The following GATB variants were observed in gnomAD, a reference collection of about 807,000 sequenced individuals.
GATB encodes glutamyl-tRNA amidotransferase subunit B, also known as glutamyl-tRNA(Gln) amidotransferase subunit B, mitochondrial.
In GATB, 39 loss-of-function variants were observed where a neutral mutation model predicts 62.3. The observed-to-expected ratio is 0.63, with a 90% confidence interval of 0.48 to 0.82. The LOEUF (loss-of-function observed/expected upper bound fraction) is 0.82. GATB is among the 40% of genes least tolerant of loss of function. The pLI is 0.00. For synonymous variants in GATB, 276 were observed against 258.9 expected (o/e 1.07, Z -0.63); for missense variants, 670 against 684.0 (o/e 0.98, Z 0.23).
At chr4:151,711,238 C>A (rs945288920) in intron 5 of GATB, among the ~76,000 whole-genome samples, 1 of 152,198 alleles carries the variant, frequency 6.6e-6, no homozygotes, top group Admixed American at 6.5e-5. Flanking sequence ...TCTTACCCAT[C>A]GGAAATCCAC....
intron 3 of GATB, chr4:151,717,367 A>T (rs1345954785): frequency 2.7e-6 from 1 of 367,528 alleles, no homozygotes; most frequent in Non-Finnish European, 5.0e-6. Context: ...TGTATTGGGG[A>T]ATAACAATAA....
At chr4:151,679,682 G>A (rs1169438753) in intron 11 of GATB, 131 bp downstream of exon 11, 8 of 779,318 alleles carry the variant, frequency 1.0e-5, no homozygotes, top group Non-Finnish European at 1.6e-5. Flanking sequence ...CTACCTTTCA[G>A]CATTAAAAAC....
At chr4:151,675,921 T>C (rs1737991992) in intron 11 of GATB, 1 of 152,234 alleles carries the variant, frequency 6.6e-6, no homozygotes, top group African/African-American at 2.4e-5. Flanking sequence ...TGTTTCTAGC[T>C]AAAGCTATTT....
intron 12 of GATB, among the ~76,000 whole-genome samples, chr4:151,671,604 G>C (rs1308829643): frequency 1.3e-5 from 2 of 152,132 alleles, no homozygotes; most frequent in Non-Finnish European, 2.9e-5. Context: ...CACAATGACC[G>C]AGGACACTGA....
At chr4:151,706,346 T>A (rs539558947) in intron 6 of GATB, among the ~76,000 whole-genome samples, 3 of 151,588 alleles carry the variant, frequency 2.0e-5, no homozygotes, top group Admixed American at 1.3e-4. Context: ...TCAGAACTCA[T>A]GGATGACTCT....
At chr4:151,756,381 A>T (rs552827794) in intron 2 of GATB, among the ~76,000 whole-genome samples, 2 of 152,208 alleles carry the variant, frequency 1.3e-5, no homozygotes, top group East Asian at 3.8e-4. Flanking sequence ...AGTGTATTTT[A>T]AATCTATTTA....
intron 2 of GATB, among the ~76,000 whole-genome samples, chr4:151,745,818 C>T (rs914132635): frequency 4.6e-5 from 7 of 152,156 alleles, no homozygotes; most frequent in African/African-American, 9.7e-5. Context: ...ATTCTAAATA[C>T]CTTTGATATG....
chr4:151,697,949 GTGTGTATATATATATA>G (rs1560847648), intron 9 of GATB, among the ~76,000 whole-genome samples: 1 of 96,968 alleles, frequency 1.0e-5, no homozygotes. Context: ...GTGTGTGTGT[GTGTGTATATATATATA>G]TATATATATA....
intron 2 of GATB, among the ~76,000 whole-genome samples, chr4:151,733,687 A>G (rs2126988205): frequency 6.6e-6 from 1 of 152,354 alleles, no homozygotes; most frequent in Non-Finnish European, 1.5e-5. Context: ...TGAATGATAG[A>G]TGCTAAAATC....
intron 10 of GATB, among the ~76,000 whole-genome samples, chr4:151,681,835 T>G (rs967229361): frequency 1.3e-5 from 2 of 152,194 alleles, no homozygotes; most frequent in African/African-American, 4.8e-5. Flanking sequence ...TGTGTCTGCA[T>G]GTGGTGGAAG....
chr4:151,725,778 G>A (rs1739126138), intron 2 of GATB, among the ~76,000 whole-genome samples: 1 of 152,154 alleles, frequency 6.6e-6, no homozygotes, highest in African/African-American at 2.4e-5. Context: ...CAGTCTCTAG[G>A]ATCTATACTG....
intron 2 of GATB, among the ~76,000 whole-genome samples, chr4:151,756,591 A>G (rs1301697666): frequency 6.6e-6 from 1 of 152,210 alleles, no homozygotes; most frequent in African/African-American, 2.4e-5. Context: ...AGAGGAAAAC[A>G]AATCCTAGCT....
In GATB at chr4:151,671,134, T is replaced by C; in HGVS notation, c.*40A>G. On this transcript the variant is annotated 3_prime_UTR_variant, in exon 13 of 13. Coordinates refer to ENST00000263985, the MANE Select transcript of GATB (RefSeq NM_004564.3). The stretch of plus-strand genomic sequence containing the variant: ...GATCCTGTTCCCAGTCAGGCTGCAC[T>C]GTTTGTTGTTGTCCCTTGGGCAAGG... The C allele has an allele frequency of 6.2e-7, 1 of 1,613,008 alleles. No individual in the cohort carries two copies.
chr4:151,709,150 T>C (rs1467551794), intron 5 of GATB, among the ~76,000 whole-genome samples: 2 of 152,328 alleles, frequency 1.3e-5, no homozygotes, highest in South Asian at 2.1e-4. Flanking sequence ...AGCAAAAGCA[T>C]ATTAAAATAA....
At chr4:151,706,588 A>G (rs1321004943) in intron 6 of GATB, among the ~76,000 whole-genome samples, 1 of 152,182 alleles carries the variant, frequency 6.6e-6, no homozygotes, top group Non-Finnish European at 1.5e-5. Flanking sequence ...CTGCCTTCAT[A>G]TAGGAGCCTA....
intron 2 of GATB, among the ~76,000 whole-genome samples, chr4:151,732,645 C>T (rs1004610938): frequency 5.9e-4 from 89 of 151,590 alleles, no homozygotes; most frequent in Non-Finnish European, 8.7e-4. Flanking sequence ...TATCTGCTGA[C>T]CTTCCCTCCA....
chr4:151,724,658 C>T (rs530559010), intron 2 of GATB, among the ~76,000 whole-genome samples: 41 of 152,138 alleles, frequency 2.7e-4, no homozygotes, highest in African/African-American at 9.6e-4. Context: ...TCTTCCTCAT[C>T]TGCTTGAGCA....
chr4:151,707,383 T>G (rs1363190538), intron 6 of GATB, among the ~76,000 whole-genome samples: 1 of 152,138 alleles, frequency 6.6e-6, no homozygotes, highest in Non-Finnish European at 1.5e-5. Flanking sequence ...AACCTCAAAC[T>G]CCTGGACTCA....
intron 2 of GATB, among the ~76,000 whole-genome samples, chr4:151,732,925 C>T (rs1164277361): frequency 6.6e-6 from 1 of 151,614 alleles, no homozygotes; most frequent in Non-Finnish European, 1.5e-5. Flanking sequence ...AACTGAATGA[C>T]AATAATGACA....
Sources: gnomAD v4.1 joint callset for allele counts (sites outside exome capture counted in the v4.1 genomes callset) on GRCh38, gnomAD v4.1.1 for gene constraint, MANE v1.5 for transcripts, NCBI Gene and HGNC (gene_info 2026-07-23, HGNC 2026-07-21) for gene names.